Variants in ESYT3 observed in about 807,000 individuals in gnomAD.
ESYT3 encodes the protein extended synaptotagmin-3.
In ESYT3, 101 loss-of-function variants were observed where a neutral mutation model predicts 111.5. The observed-to-expected ratio is 0.91, with a 90% CI of 0.77 to 1.07. ESYT3 has a LOEUF of 1.07. Among genes scored for constraint, ESYT3 ranks in the 50% least tolerant of loss-of-function variants. The probability of loss-of-function intolerance (pLI) is 0.00; values close to 1 mark genes in which losing one functional copy is unlikely to be tolerated. For synonymous variants in ESYT3, 416 were observed against 446.8 expected (o/e 0.93, Z 0.87); for missense variants, 1,097 against 1,109.4 (o/e 0.99, Z 0.16).
intron 1 of ESYT3, among the ~76,000 whole-genome samples, chr3:138,442,362 G>C (rs531109614): frequency 6.6e-6 from 1 of 152,040 alleles, no homozygotes; most frequent in Non-Finnish European, 1.5e-5. Context: ...TTCTAAGGAC[G>C]ATCATATCCT....
At chr3:138,466,282 T>C (rs765181553) in intron 10 of ESYT3, among the ~76,000 whole-genome samples, 2 of 152,222 alleles carry the variant, frequency 1.3e-5, no homozygotes, top group Non-Finnish European at 2.9e-5. Flanking sequence ...AATCTTCAGA[T>C]TGCTGTGTTG....
chr3:138,473,754 GAA>G, intron 19 of ESYT3, 120 bp downstream of exon 19: 1 of 864,700 alleles, frequency 1.2e-6, no homozygotes, highest in South Asian at 1.7e-5. Context: ...CACTTTGGGG[GAA>G]AAATGAGATT....
At chr3:138,456,499 A>G (rs2032284631) in intron 3 of ESYT3, among the ~76,000 whole-genome samples, 1 of 152,164 alleles carries the variant, frequency 6.6e-6, no homozygotes, top group Non-Finnish European at 1.5e-5. Flanking sequence ...CTGCTCAGTC[A>G]GGCTGCTCCT....
In ESYT3 at chr3:138,449,708, G is replaced by A. The variant is rs560945525; in HGVS notation, c.328-2340G>A. Reference sequence around the variant, plus strand: ...GGATGGGAAGTGTGATGCTTGGGCTGGAAGGAGGACAGCTACTGGTGAGGT... The same window carrying A: ...GGATGGGAAGTGTGATGCTTGGGCTAGAAGGAGGACAGCTACTGGTGAGGT... On this transcript the variant is annotated intron_variant, in intron 1 of 22. Transcript: ENST00000389567. Among the ~76,000 whole-genome samples, 7 of 152,280 alleles carry A rather than the reference G, an allele frequency of 4.6e-5. No homozygotes were observed. The East Asian group carries it at 1.4e-3, about 29-fold the overall frequency.
At chr3:138,468,904 A>G in intron 14 of ESYT3, 23 bp downstream of exon 14, 2 of 1,613,108 alleles carry the variant, frequency 1.2e-6, no homozygotes, top group Non-Finnish European at 1.7e-6. Context: ...GTGGCTAAAA[A>G]CTCCAGGGAG....
In ESYT3 at chr3:138,434,768, C is replaced by T; in HGVS notation, c.-31C>T. The stretch of plus-strand genomic sequence containing the variant: ...CATGCGGACCTAAGCTCGGGTGAAG[C>T]TCTCGGGAAGGGCAAGACTGCGGCG... On this transcript the variant is annotated 5_prime_UTR_variant, in exon 1 of 23. Coordinates refer to ENST00000389567, the MANE Select transcript of ESYT3 (RefSeq NM_031913.5). 1 of 1,497,970 alleles carries T rather than the reference C, an allele frequency of 6.7e-7. No homozygotes were observed. The highest frequency in any genetic ancestry group is 8.9e-7 in the Non-Finnish European group (1 of 1,129,826). 92.8% of individuals were successfully genotyped at this position (1,497,970 alleles called of 1,614,324 possible).
chr3:138,455,301 C>CT lies in ESYT3; in HGVS notation c.480dup (p.Thr161TyrfsTer20), dbSNP rs1347003174. 6.2e-7 allele frequency: 1 copy of CT among 1,614,002 alleles called. No individual in the cohort carries two copies. The highest frequency in any genetic ancestry group is 1.3e-5 in the African/African-American group (1 of 74,906). ...AGAGCATCCACCTGAGGACCTTTAC[C>CT]TTTACCAAGCTCTACTTTGGACAGA... On this transcript the variant is annotated frameshift_variant, in exon 3 of 23. Transcript: ENST00000389567. LOFTEE classifies it high-confidence loss of function.
In ESYT3 at chr3:138,465,180, C is replaced by G. The variant is rs574011916; in HGVS notation, c.1087-159C>G. Reference sequence around the variant, plus strand: ...GTTTTCTCTAATCTTCTCTTCCCCCCGAAGGGGAGGGGCTTCACTCCCTTC... The same window carrying G: ...GTTTTCTCTAATCTTCTCTTCCCCCGGAAGGGGAGGGGCTTCACTCCCTTC... On this transcript the variant is annotated intron_variant, in intron 9 of 22. Coordinates refer to ENST00000389567, the MANE Select transcript of ESYT3 (RefSeq NM_031913.5). Among the ~76,000 whole-genome samples, 4 of 152,352 alleles carry G rather than the reference C, an allele frequency of 2.6e-5. No homozygotes were observed. The East Asian group carries it at 7.7e-4, about 29-fold the overall frequency.
At chr3:138,451,737 C>G (rs2031942966) in intron 1 of ESYT3, among the ~76,000 whole-genome samples, 1 of 152,240 alleles carries the variant, frequency 6.6e-6, no homozygotes, top group African/African-American at 2.4e-5. Flanking sequence ...CCCGCCACCG[C>G]GTGCCCAGAA....
chr3:138,477,325 G>A lies in ESYT3; in HGVS notation c.*471G>A, dbSNP rs2108634530. 1 of 152,746 alleles carries A rather than the reference G, an allele frequency of 6.5e-6. No homozygotes were observed. Among genetic ancestry groups the A allele is most frequent in the African/African-American group, 2.4e-5 (1 of 41,438 alleles). The allele number at this position is 152,746 out of a possible 1,614,324, so 9.5% of individuals were successfully genotyped here. A position where few individuals can be genotyped will look rare whatever the true frequency, so the allele number is the denominator to read the frequency against. On this transcript the variant is annotated 3_prime_UTR_variant, in exon 23 of 23. Transcript: ENST00000389567. ...GGCCAAAGGGAAGTCACTTTTTTAT[G>A]GAAATAGAAAGTGACCCAACTCAAA...
In ESYT3 at chr3:138,448,566, C is replaced by T. The variant is rs1403252621; in HGVS notation, c.328-3482C>T. The stretch of plus-strand genomic sequence containing the variant: ...TTTGTCTCACCTTATGTAAAAAAAT[C>T]CAGAGAGATTAAAGACCTAAACGTG... On this transcript the variant is annotated intron_variant, in intron 1 of 22. Coordinates refer to ENST00000389567, the MANE Select transcript of ESYT3 (RefSeq NM_031913.5). Among the ~76,000 whole-genome samples, 5 of 151,890 alleles carry T rather than the reference C, an allele frequency of 3.3e-5. No homozygotes were observed. In the East Asian group the frequency reaches 7.7e-4, roughly 24 times the overall value.
chr3:138,439,716 A>G (rs1299546684), intron 1 of ESYT3, among the ~76,000 whole-genome samples: 1 of 152,192 alleles, frequency 6.6e-6, no homozygotes, highest in African/African-American at 2.4e-5. Flanking sequence ...TGAGGAGGGA[A>G]GTTCAAAATC....
chr3:138,451,084 G>A (rs756645499), intron 1 of ESYT3, among the ~76,000 whole-genome samples: 2 of 152,244 alleles, frequency 1.3e-5, no homozygotes, highest in Non-Finnish European at 2.9e-5. Context: ...CAGATGCAGA[G>A]ACTGAGACTC....
chr3:138,476,934 C>T lies in ESYT3; in HGVS notation c.*80C>T. On this transcript the variant is annotated 3_prime_UTR_variant, in exon 23 of 23. Coordinates refer to ENST00000389567, the MANE Select transcript of ESYT3 (RefSeq NM_031913.5). Reference sequence around the variant, plus strand: ...TTTTTTCCTTTGGATCACTTACATCCAATATATGTATATTTTGTCATTTAA... The same window carrying T: ...TTTTTTCCTTTGGATCACTTACATCTAATATATGTATATTTTGTCATTTAA... 1 of 1,059,590 alleles carries T rather than the reference C, an allele frequency of 9.4e-7. No homozygotes were observed. Among genetic ancestry groups the T allele is most frequent in the Non-Finnish European group, 1.4e-6 (1 of 726,816 alleles). The allele number at this position is 1,059,590 out of a possible 1,614,324, so 65.6% of individuals were successfully genotyped here.
chr3:138,471,093 C>A, intron 17 of ESYT3, 67 bp downstream of exon 17: 2 of 1,336,818 alleles, frequency 1.5e-6, no homozygotes, highest in Non-Finnish European at 2.1e-6. Flanking sequence ...AGGTGTACTG[C>A]CCCAGCACTA....
At chr3:138,465,500 A>G in intron 10 of ESYT3, 79 bp downstream of exon 10, 1 of 1,159,850 alleles carries the variant, frequency 8.6e-7, no homozygotes, top group Admixed American at 2.1e-5. Context: ...CCCTGCTCCT[A>G]CCACTTAATG....
chr3:138,476,795 G>C (rs2033504215), intron 22 of ESYT3, 23 bp from the exon 23 acceptor site: 1 of 1,613,128 alleles, frequency 6.2e-7, no homozygotes, highest in Admixed American at 1.7e-5. Context: ...CTAACGTTAA[G>C]TCCAAACGTA....
Position 138,435,098 on chromosome 3 carries a change from G to T in ESYT3, c.300G>T (p.Glu100Asp). The T allele has an allele frequency of 6.3e-7, 1 of 1,589,616 alleles. No individual in the cohort carries two copies. ...ATGAACGCGAGTTCATCAGCCGCGA[G>T]CTGCGGGGCCAGCACCTGCCAGCCT... ...LDNEREFISR[E>D]LRGQHLPAWI... The change falls in exon 1 of 23, where the codon GAG (glutamate) becomes GAT (aspartate). Residue 100 changes from glutamate to aspartate, a missense_variant. Physicochemically the swap from Glu to Asp is conservative, Grantham distance 45 (BLOSUM62 2). Coordinates refer to ENST00000389567, the MANE Select transcript of ESYT3 (RefSeq NM_031913.5). The surrounding 1 kb of genome is among the most constrained non-coding windows in gnomAD (Gnocchi z 4.8).
At position 138,472,372 on chromosome 3, in the gene ESYT3, G is replaced by C. The variant is rs374077396; in HGVS notation, c.1750G>C (p.Val584Leu). 8.7e-6 allele frequency: 14 copies of C among 1,613,182 alleles called. No homozygotes were observed. In the East Asian group the frequency reaches 1.1e-4, roughly 13 times the overall value. Reference protein sequence around the residue: ...SMRLVLRFLQVEERELGSPYT... With the variant: ...SMRLVLRFLQLEERELGSPYT... ...TCTTATCTGCTTGCAGTTCCTGCAA[G>C]TGGAGGAACGAGAGCTGGGGAGCCC... Residue 584 changes from valine to leucine, a missense_variant, in exon 18 of 23, where the codon GTG (valine) becomes CTG (leucine). Physicochemically the swap from Val to Leu is conservative, Grantham distance 32. Coordinates refer to ENST00000389567, the MANE Select transcript of ESYT3 (RefSeq NM_031913.5).
Sources: gnomAD v4.1 joint callset for allele counts (sites outside exome capture counted in the v4.1 genomes callset) on GRCh38, gnomAD v4.1.1 for gene constraint, Gnocchi (gnomAD v3.1) non-coding constraint, MANE v1.5 for transcripts, NCBI Gene and HGNC (gene_info 2026-07-23, HGNC 2026-07-21) for gene names.